The following CSTF3 variants were observed in gnomAD, a reference collection of about 807,000 sequenced individuals.
CSTF3 encodes CF-1 77 kDa subunit.
Under a neutral mutation model 105.8 loss-of-function variants are expected in CSTF3, and 29 were observed. That is an observed-to-expected ratio of 0.27 (90% CI 0.20 to 0.37). The LOEUF (loss-of-function observed/expected upper bound fraction) is 0.37. Ranked by LOEUF, CSTF3 falls within the 10% of genes least tolerant of loss-of-function variation. CSTF3 has a pLI of 1.00. For missense variants in CSTF3, 357 were observed against 879.3 expected (o/e 0.41, Z 7.51); for synonymous variants, 252 against 281.9 (o/e 0.89, Z 1.06).
rs145941526 is a variant in CSTF3 at position 33,124,139 on chromosome 11, T to A, written c.226-15721A>T. Among the ~76,000 whole-genome samples, 163 of 152,242 alleles carry A rather than the reference T, an allele frequency of 1.1e-3. 3 individuals carry two copies. The East Asian group carries it at 0.028, about 26-fold the overall frequency. ...GTCAAAACTATTTAACATTTTTTAATGTAAAGGATTACCTTTGCAGCCTCT... is the reference window on the plus strand; with the variant it reads ...GTCAAAACTATTTAACATTTTTTAAAGTAAAGGATTACCTTTGCAGCCTCT... On this transcript the variant is annotated intron_variant, in intron 3 of 20. Transcript: ENST00000323959.
At chr11:33,097,160 A>C (rs1347136524) in intron 13 of CSTF3, among the ~76,000 whole-genome samples, 182 bp from the exon 14 acceptor site, 2 of 152,202 alleles carry the variant, frequency 1.3e-5, no homozygotes. Flanking sequence ...TTTTATTGAG[A>C]CATAATTCAC....
intron 3 of CSTF3, among the ~76,000 whole-genome samples, chr11:33,128,570 C>T (rs1228771152): frequency 1.3e-5 from 2 of 152,040 alleles, no homozygotes; most frequent in Non-Finnish European, 2.9e-5. Context: ...GATGTTCATG[C>T]TTATTCTCCA....
intron 1 of CSTF3, among the ~76,000 whole-genome samples, chr11:33,156,190 A>C (rs968001183): frequency 1.3e-5 from 2 of 152,248 alleles, no homozygotes; most frequent in African/African-American, 2.4e-5. Flanking sequence ...CTGTTACACC[A>C]AACAAGCATC....
intron 3 of CSTF3, among the ~76,000 whole-genome samples, chr11:33,135,379 G>A (rs1420414908): frequency 6.6e-6 from 1 of 152,096 alleles, no homozygotes; most frequent in African/African-American, 2.4e-5. Flanking sequence ...AAAATTTACT[G>A]ACAGCAGTAA....
intron 1 of CSTF3, among the ~76,000 whole-genome samples, chr11:33,148,554 G>C (rs1252914121): frequency 1.4e-5 from 2 of 147,222 alleles, no homozygotes; most frequent in South Asian, 2.5e-4. Context: ...AAAATTAGCA[G>C]GCGTGGTGGT....
chr11:33,121,924 TAACAAC>T (rs955389910), intron 3 of CSTF3, among the ~76,000 whole-genome samples: 10 of 152,126 alleles, frequency 6.6e-5, no homozygotes, highest in Non-Finnish European at 1.2e-4. Context: ...AAAATTAAAT[TAACAAC>T]AACAACAAGT....
intron 5 of CSTF3, among the ~76,000 whole-genome samples, chr11:33,106,860 AAG>A (rs1855332512): frequency 6.6e-6 from 1 of 152,222 alleles, no homozygotes; most frequent in South Asian, 2.1e-4. Context: ...ATGAGACATT[AAG>A]ATCTTTAGCT....
chr11:33,161,419 C>A lies in CSTF3; in HGVS notation c.-94G>T. 2 of 1,394,834 alleles carry A rather than the reference C, an allele frequency of 1.4e-6. No individual in the cohort carries two copies. The highest frequency in any genetic ancestry group is 1.2e-5 in the South Asian group (1 of 86,204). The allele number at this position is 1,394,834 out of a possible 1,614,324, so 86.4% of individuals were successfully genotyped here. A position where few individuals can be genotyped will look rare whatever the true frequency, so the allele number is the denominator to read the frequency against. ...AACCACCCCCAAATCAGTAAAGTTA[C>A]CCCCTGCCCAGCTGAGCCAGACCGC... is the stretch of plus-strand genomic sequence containing the variant. On this transcript the variant is annotated 5_prime_UTR_variant, in exon 1 of 21. Transcript: ENST00000323959.
At position 33,084,870 on chromosome 11, in the gene CSTF3, T is replaced by C. The variant is rs1855086210; in HGVS notation, c.*217A>G. The C allele has an allele frequency of 1.7e-6, 1 of 593,024 alleles. No individual in the cohort carries two copies. The highest frequency in any genetic ancestry group is 1.9e-5 in the African/African-American group (1 of 53,836). 36.7% of individuals were successfully genotyped at this position (593,024 alleles called of 1,614,324 possible). ...TGCCACTTTGTACTGTTCTCACATT[T>C]TTGAAAACCTAATTTTGCTTAGAGC... On this transcript the variant is annotated 3_prime_UTR_variant, in exon 21 of 21. Transcript: ENST00000323959.
In CSTF3 at chr11:33,098,786, G is replaced by A. The variant is rs752040516; in HGVS notation, c.1054-22C>T. The A allele has an allele frequency of 4.1e-6, 6 of 1,456,246 alleles. No individual in the cohort carries two copies. In the South Asian group the frequency reaches 4.3e-5, roughly 10 times the overall value. The allele number at this position is 1,456,246 out of a possible 1,614,324, so 90.2% of individuals were successfully genotyped here. A position where few individuals can be genotyped will look rare whatever the true frequency, so the allele number is the denominator to read the frequency against. Reference sequence around the variant, plus strand: ...GACTCTAAGGTGGTACAGAAGAAGTGAGTATCAACATATGGTCATAAATAA... The same window carrying A: ...GACTCTAAGGTGGTACAGAAGAAGTAAGTATCAACATATGGTCATAAATAA... On this transcript the variant is annotated intron_variant, in intron 12 of 20. Transcript: ENST00000323959.
chr11:33,120,531 T>A (rs1210893280), intron 3 of CSTF3, among the ~76,000 whole-genome samples: 1 of 151,920 alleles, frequency 6.6e-6, no homozygotes, highest in Admixed American at 6.6e-5. Context: ...CTTTTAAAAT[T>A]CAACCACTTA....
chr11:33,156,201 A>T (rs1405998635), intron 1 of CSTF3, among the ~76,000 whole-genome samples: 2 of 152,222 alleles, frequency 1.3e-5, no homozygotes, highest in Non-Finnish European at 2.9e-5. Context: ...AACAAGCATC[A>T]CTAAAAATAG....
At chr11:33,119,540 GTAT>G (rs1855466170) in intron 3 of CSTF3, among the ~76,000 whole-genome samples, 1 of 151,660 alleles carries the variant, frequency 6.6e-6, no homozygotes, top group African/African-American at 2.4e-5. Flanking sequence ...TTGCTTTTCT[GTAT>G]TTTTTAAGCA....
intron 13 of CSTF3, 144 bp downstream of exon 13, chr11:33,098,546 G>A (rs2133773689): frequency 1.8e-6 from 1 of 545,816 alleles, no homozygotes; most frequent in Middle Eastern, 5.1e-4. Flanking sequence ...CTTAATTGTG[G>A]TGGGGATCCC....
intron 5 of CSTF3, 110 bp downstream of exon 5, chr11:33,107,793 C>A: frequency 1.6e-6 from 1 of 621,004 alleles, no homozygotes. Flanking sequence ...CCTGACTTTT[C>A]AAATCCTGAT....
intron 17 of CSTF3, among the ~76,000 whole-genome samples, chr11:33,087,980 CTG>C (rs1444609812): frequency 6.6e-6 from 1 of 152,090 alleles, no homozygotes; most frequent in East Asian, 1.9e-4. Flanking sequence ...CAGTGTTACT[CTG>C]TCTGTCTAGA....
intron 3 of CSTF3, among the ~76,000 whole-genome samples, chr11:33,136,592 G>C (rs1410917278): frequency 6.6e-6 from 1 of 151,878 alleles, no homozygotes; most frequent in Non-Finnish European, 1.5e-5. Flanking sequence ...TGGTCCTTTT[G>C]TTTTATAAAG....
At chr11:33,130,959 G>T (rs1417854538) in intron 3 of CSTF3, among the ~76,000 whole-genome samples, 1 of 152,102 alleles carries the variant, frequency 6.6e-6, no homozygotes, top group African/African-American at 2.4e-5. Context: ...AGCCTGTGCA[G>T]GTCAAGGCTG....
At chr11:33,116,907 G>C (rs1296430282) in intron 3 of CSTF3, among the ~76,000 whole-genome samples, 1 of 151,704 alleles carries the variant, frequency 6.6e-6, no homozygotes, top group African/African-American at 2.4e-5. Context: ...AATGTAGAGG[G>C]AAGAACAACA....
Sources: allele counts gnomAD v4.1 joint callset (sites outside exome capture counted in the v4.1 genomes callset), GRCh38; gene constraint gnomAD v4.1.1; transcripts MANE v1.5; gene names NCBI Gene and HGNC (gene_info 2026-07-23, HGNC 2026-07-21).